The following NEGR1 variants were observed in gnomAD, a reference collection of about 807,000 sequenced individuals.
NEGR1 encodes neuronal growth regulator 1.
A neutral mutation model predicts 40.9 loss-of-function variants in NEGR1; 10 were observed. That is an observed-to-expected ratio of 0.24 (90% CI 0.15 to 0.42). The LOEUF (loss-of-function observed/expected upper bound fraction) is 0.42. Ranked by LOEUF, NEGR1 falls within the 10% of genes least tolerant of loss-of-function variation. NEGR1 has a pLI of 1.00. For synonymous variants in NEGR1, 185 were observed against 166.8 expected (o/e 1.11, Z -0.84); for missense variants, 352 against 438.9 (o/e 0.80, Z 1.77).
chr1:71,959,202 T>A (rs1937187), intron 1 of NEGR1, among the ~76,000 whole-genome samples: 94 of 152,260 alleles, frequency 6.2e-4, no homozygotes, highest in African/African-American at 2.1e-3. Flanking sequence ...CTCAAATTCA[T>A]CTACCTAAAA....
intron 1 of NEGR1, among the ~76,000 whole-genome samples, chr1:72,132,757 A>G (rs1424477478): frequency 1.3e-5 from 2 of 152,190 alleles, no homozygotes; most frequent in African/African-American, 2.4e-5. Context: ...TGGTGAATGT[A>G]AAATTAAAAT....
chr1:71,716,259 C>T (rs1042503845), intron 3 of NEGR1, among the ~76,000 whole-genome samples: 4 of 152,048 alleles, frequency 2.6e-5, no homozygotes, highest in African/African-American at 9.7e-5. Flanking sequence ...TGGTCTCGCC[C>T]TTGCTACATG....
chr1:72,140,224 TTTGTTGTTGTTG>T (rs59526560), intron 1 of NEGR1, among the ~76,000 whole-genome samples: 5 of 150,600 alleles, frequency 3.3e-5, no homozygotes, highest in Non-Finnish European at 5.9e-5. Flanking sequence ...GATAACTGTT[TTTGTTGTTGTTG>T]TTGTTGTTGT....
chr1:71,838,790 T>C (rs539803985), intron 2 of NEGR1, among the ~76,000 whole-genome samples: 38 of 152,218 alleles, frequency 2.5e-4, no homozygotes, highest in African/African-American at 5.1e-4. Context: ...ATAAATGGCC[T>C]GAAATTAATC....
intron 1 of NEGR1, among the ~76,000 whole-genome samples, chr1:72,267,088 C>T (rs1459805234): frequency 6.6e-6 from 1 of 150,930 alleles, no homozygotes; most frequent in Non-Finnish European, 1.5e-5. Flanking sequence ...TTGTACCAGG[C>T]ATGATGTTGA....
At chr1:71,434,632 C>A (rs1263435152) in intron 6 of NEGR1, among the ~76,000 whole-genome samples, 1 of 152,144 alleles carries the variant, frequency 6.6e-6, no homozygotes, top group Non-Finnish European at 1.5e-5. Flanking sequence ...CAAGAAGTGC[C>A]ATAGTGATGC....
chr1:72,265,820 T>C (rs2100551294), intron 1 of NEGR1, among the ~76,000 whole-genome samples: 1 of 150,978 alleles, frequency 6.6e-6, no homozygotes, highest in Middle Eastern at 3.4e-3. Context: ...ATATTCAAAA[T>C]AATTTTCCAA....
intron 6 of NEGR1, 26 bp downstream of exon 6, chr1:71,592,791 C>A: frequency 1.3e-6 from 2 of 1,588,128 alleles, no homozygotes; most frequent in Non-Finnish European, 8.6e-7. Flanking sequence ...CCCCTGGAAG[C>A]ATTTTGGTAC....
At chr1:72,122,319 TTCA>T (rs1245644309) in intron 1 of NEGR1, among the ~76,000 whole-genome samples, 3 of 151,986 alleles carry the variant, frequency 2.0e-5, no homozygotes, top group Non-Finnish European at 4.4e-5. Context: ...AACAGGAAGC[TTCA>T]TCGAGTGTTA....
chr1:71,695,718 T>G (rs569325452), intron 4 of NEGR1, among the ~76,000 whole-genome samples: 3 of 151,914 alleles, frequency 2.0e-5, no homozygotes, highest in Admixed American at 1.3e-4. Flanking sequence ...TTCACATTTC[T>G]GCACACTTTG....
At chr1:71,806,991 C>A (rs1657800784) in intron 2 of NEGR1, among the ~76,000 whole-genome samples, 1 of 148,212 alleles carries the variant, frequency 6.7e-6, no homozygotes, top group Non-Finnish European at 1.5e-5. Flanking sequence ...CTTCCGGGTT[C>A]ACACCATTCT....
intron 1 of NEGR1, among the ~76,000 whole-genome samples, chr1:72,190,872 A>G (rs750000484): frequency 6.6e-6 from 1 of 151,644 alleles, no homozygotes; most frequent in Admixed American, 6.6e-5. Context: ...GACATAACAT[A>G]TATACTATGT....
chr1:71,834,373 C>A (rs1658942148), intron 2 of NEGR1, among the ~76,000 whole-genome samples: 1 of 151,980 alleles, frequency 6.6e-6, no homozygotes, highest in South Asian at 2.1e-4. Flanking sequence ...TTGACCTCCC[C>A]AGTGTGGGTG....
At chr1:71,962,373 TC>T (rs1291404152) in intron 1 of NEGR1, among the ~76,000 whole-genome samples, 1 of 152,112 alleles carries the variant, frequency 6.6e-6, no homozygotes, top group Non-Finnish European at 1.5e-5. Flanking sequence ...TGCATATTCT[TC>T]CTTTAAAAAT....
At chr1:72,011,970 C>T (rs553164276) in intron 1 of NEGR1, among the ~76,000 whole-genome samples, 1 of 151,966 alleles carries the variant, frequency 6.6e-6, no homozygotes, top group East Asian at 1.9e-4. Context: ...AAGAGTCTTA[C>T]GTTTTGTTAA....
chr1:71,764,449 G>T (rs558887052), intron 3 of NEGR1, among the ~76,000 whole-genome samples: 1 of 152,100 alleles, frequency 6.6e-6, no homozygotes, highest in African/African-American at 2.4e-5. Context: ...ATTACTTGCA[G>T]TTTATTTTAT....
chr1:72,248,813 C>A (rs1034455848), intron 1 of NEGR1, among the ~76,000 whole-genome samples: 6 of 151,838 alleles, frequency 4.0e-5, no homozygotes, highest in Non-Finnish European at 8.8e-5. Flanking sequence ...GAACTTCTGA[C>A]CTCAGGTGAT....
intron 1 of NEGR1, among the ~76,000 whole-genome samples, chr1:72,135,592 G>A (rs943266109): frequency 6.6e-6 from 1 of 152,030 alleles, no homozygotes; most frequent in Non-Finnish European, 1.5e-5. Flanking sequence ...CCCAGACAGA[G>A]CTCAGCAAAC....
chr1:71,785,201 C>A (rs1372598344), intron 2 of NEGR1, among the ~76,000 whole-genome samples: 1 of 152,154 alleles, frequency 6.6e-6, no homozygotes, highest in Non-Finnish European at 1.5e-5. Context: ...GCAGCAGCAG[C>A]CAGCAGGCTG....
Sources: gnomAD v4.1 joint callset for allele counts (sites outside exome capture counted in the v4.1 genomes callset) on GRCh38, gnomAD v4.1.1 for gene constraint, MANE v1.5 for transcripts, NCBI Gene and HGNC (gene_info 2026-07-23, HGNC 2026-07-21) for gene names.